Variants in DLGAP2 observed in about 807,000 individuals in gnomAD.
The protein encoded by DLGAP2 is DLG associated protein 2, also known as disks large-associated protein 2.
In DLGAP2, 26 loss-of-function variants were observed where a neutral mutation model predicts 100.3. The observed-to-expected ratio is 0.26, with a 90% confidence interval of 0.19 to 0.36. The LOEUF is 0.36. Ranked by LOEUF, DLGAP2 falls within the 10% of genes least tolerant of loss-of-function variation. The probability of loss-of-function intolerance (pLI) is 1.00; values close to 1 mark genes in which losing one functional copy is unlikely to be tolerated. For missense variants in DLGAP2, 1,858 were observed against 1,453.2 expected (o/e 1.28, Z -4.53); for synonymous variants, 886 against 630.1 (o/e 1.41, Z -6.08).
At chr8:776,053 T>G (rs1309280029) in intron 1 of DLGAP2, among the ~76,000 whole-genome samples, 3 of 152,164 alleles carry the variant, frequency 2.0e-5, no homozygotes, top group Non-Finnish European at 4.4e-5. Flanking sequence ...ATTCAGAGAT[T>G]CAGCTTCTTC....
chr8:1,330,214 C>G (rs186001844), intron 3 of DLGAP2, among the ~76,000 whole-genome samples: 1 of 151,910 alleles, frequency 6.6e-6, no homozygotes, highest in East Asian at 2.0e-4. Context: ...GGTGAGAGCA[C>G]TACTTCACAG....
chr8:1,522,441 C>T (rs567223710), intron 4 of DLGAP2, among the ~76,000 whole-genome samples: 1 of 152,318 alleles, frequency 6.6e-6, no homozygotes, highest in African/African-American at 2.4e-5. Flanking sequence ...TTGCTCAGAG[C>T]ACGGGATCCA....
In DLGAP2 at chr8:1,068,832, C is replaced by T. The variant is rs146046265; in HGVS notation, c.73+160866C>T. 4.2e-4 allele frequency among the ~76,000 whole-genome samples: 64 copies of T among 152,210 alleles called. 2 individuals carry two copies. Among genetic ancestry groups the T allele is most frequent in the Middle Eastern group, 3.4e-3 (1 of 294 alleles). On this transcript the variant is annotated intron_variant, in intron 2 of 14. Transcript: ENST00000637795. ...CCTCGTGGGGGCTTTTTCTCCAGCC[C>T]ATCCTCTCCCTGAGCTTGTTTATCA...
chr8:1,429,442 T>C (rs745887789), intron 3 of DLGAP2, among the ~76,000 whole-genome samples: 1 of 152,174 alleles, frequency 6.6e-6, no homozygotes, highest in Admixed American at 6.5e-5. Context: ...TGTTCATTGC[T>C]GTGGCTTCCA....
intron 2 of DLGAP2, among the ~76,000 whole-genome samples, chr8:1,211,874 C>G (rs757620625): frequency 6.6e-6 from 1 of 152,260 alleles, no homozygotes; most frequent in African/African-American, 2.4e-5. Context: ...GACTTCGTCT[C>G]AAAAAATAAA....
intron 1 of DLGAP2, among the ~76,000 whole-genome samples, chr8:812,406 T>A (rs1055612529): frequency 6.6e-6 from 1 of 152,172 alleles, no homozygotes; most frequent in African/African-American, 2.4e-5. Flanking sequence ...TGTGTACGGC[T>A]TCTCCCTTCT....
intron 2 of DLGAP2, among the ~76,000 whole-genome samples, chr8:1,051,277 A>C (rs576248800): frequency 2.7e-4 from 41 of 152,174 alleles, no homozygotes; most frequent in African/African-American, 9.2e-4. Flanking sequence ...GGCTCTCTGG[A>C]TGGAGCATTT....
chr8:1,180,849 TAC>T (rs1355074087), intron 2 of DLGAP2, among the ~76,000 whole-genome samples: 1 of 146,526 alleles, frequency 6.8e-6, no homozygotes, highest in Non-Finnish European at 1.5e-5. Context: ...GCAAGGGCAG[TAC>T]ACTTACCGTC....
At chr8:972,336 A>G (rs1800033880) in intron 2 of DLGAP2, among the ~76,000 whole-genome samples, 1 of 152,256 alleles carries the variant, frequency 6.6e-6, no homozygotes, top group South Asian at 2.1e-4. Context: ...ACCTAGATAT[A>G]GCAGAGACTG....
intron 2 of DLGAP2, among the ~76,000 whole-genome samples, chr8:1,210,454 G>A (rs142958217): frequency 3.3e-5 from 5 of 152,342 alleles, no homozygotes; most frequent in East Asian, 1.9e-4. Context: ...AGAGCAGCAG[G>A]AGTGTGTGGG....
chr8:1,501,253 G>A, intron 3 of DLGAP2, 113 bp from the exon 4 acceptor site: 1 of 1,113,092 alleles, frequency 9.0e-7, no homozygotes, highest in Non-Finnish European at 1.3e-6. Flanking sequence ...GAAATACAAA[G>A]GTGTCTGTCA....
intron 1 of DLGAP2, among the ~76,000 whole-genome samples, chr8:867,888 T>C (rs949791689): frequency 1.3e-5 from 2 of 152,236 alleles, no homozygotes; most frequent in Non-Finnish European, 2.9e-5. Flanking sequence ...ATGACAAACA[T>C]ATTTGCTCAA....
rs141436971 is a variant in DLGAP2 at position 1,020,326 on chromosome 8, A to G, written c.73+112360A>G. Among the ~76,000 whole-genome samples, 7 of 152,358 alleles carry G rather than the reference A, an allele frequency of 4.6e-5. No individual in the cohort carries two copies. In the East Asian group the frequency reaches 9.6e-4, roughly 21 times the overall value. ...GAGAACGTTTGTATTCCAGGCTGTC[A>G]TGAAGCCCCTGACTGGCTTAAGGAC... On this transcript the variant is annotated intron_variant, in intron 2 of 14. Transcript: ENST00000637795.
intron 3 of DLGAP2, among the ~76,000 whole-genome samples, chr8:1,452,474 A>G (rs1487124805): frequency 6.6e-6 from 1 of 152,226 alleles, no homozygotes; most frequent in East Asian, 1.9e-4. Context: ...GACATGGAAT[A>G]TGGTCATCTC....
At chr8:811,607 C>G (rs1230107762) in intron 1 of DLGAP2, among the ~76,000 whole-genome samples, 1 of 149,468 alleles carries the variant, frequency 6.7e-6, no homozygotes, top group Non-Finnish European at 1.5e-5. Context: ...AGGCCACCAG[C>G]TTTCGGATGA....
chr8:1,118,376 C>T (rs551889681), intron 2 of DLGAP2, among the ~76,000 whole-genome samples: 22 of 152,294 alleles, frequency 1.4e-4, no homozygotes, highest in African/African-American at 4.1e-4. Flanking sequence ...CAGTTCCTTA[C>T]GTGACTGAGG....
At chr8:1,474,386 T>G (rs1371428774) in intron 3 of DLGAP2, among the ~76,000 whole-genome samples, 1 of 152,162 alleles carries the variant, frequency 6.6e-6, no homozygotes, top group East Asian at 1.9e-4. Context: ...TCCCTCTGGG[T>G]AGATACTCAG....
rs149787300 is a variant in DLGAP2, at chr8:1,700,177, A to C, written c.2950-1011A>C. 4.9e-3 allele frequency among the ~76,000 whole-genome samples: 739 copies of C among 152,256 alleles called. 12 individuals are homozygous for C. Among genetic ancestry groups the C allele is most frequent in the African/African-American group, 0.017 (704 of 41,556 alleles). On this transcript the variant is annotated intron_variant, in intron 14 of 14. Transcript: ENST00000637795. ...CTCACACAACTGCCTGTCTTCCCCC[A>C]ATCTACAAGCACCTCTGGGCTCCCT...
At chr8:746,301 G>T (rs1030507539) in intron 1 of DLGAP2, among the ~76,000 whole-genome samples, 1 of 152,202 alleles carries the variant, frequency 6.6e-6, no homozygotes, top group African/African-American at 2.4e-5. Context: ...GGCACTGCTG[G>T]GCGAGTTACT....
Sources: gnomAD v4.1 joint callset for allele counts (sites outside exome capture counted in the v4.1 genomes callset) on GRCh38, gnomAD v4.1.1 for gene constraint, MANE v1.5 for transcripts, NCBI Gene and HGNC (gene_info 2026-07-23, HGNC 2026-07-21) for gene names.